Variants in TNFAIP8L3 observed in about 807,000 individuals in gnomAD.
The protein encoded by TNFAIP8L3 is TNF alpha induced protein 8 like 3.
In TNFAIP8L3, 7 loss-of-function variants were observed where a neutral mutation model predicts 11.8. The observed-to-expected ratio is 0.59, with a 90% CI of 0.34 to 1.11. The LOEUF is 1.11. TNFAIP8L3 is among the 50% of genes most tolerant of loss of function. TNFAIP8L3 has a pLI of 0.03. For missense variants in TNFAIP8L3, 219 were observed against 258.6 expected (o/e 0.85, Z 1.05); for synonymous variants, 98 against 103.8 (o/e 0.94, Z 0.34).
chr15:51,090,383 G>T (rs1347630234), intron 1 of TNFAIP8L3, among the ~76,000 whole-genome samples: 1 of 152,108 alleles, frequency 6.6e-6, no homozygotes, highest in Non-Finnish European at 1.5e-5. Context: ...GGCAAATCTT[G>T]CATCTCTCCA....
chr15:51,080,036 A>G (rs552190949), intron 1 of TNFAIP8L3, among the ~76,000 whole-genome samples: 1 of 152,174 alleles, frequency 6.6e-6, no homozygotes, highest in African/African-American at 2.4e-5. Flanking sequence ...TTTAAATTAC[A>G]TGCTTACACT....
intron 1 of TNFAIP8L3, among the ~76,000 whole-genome samples, chr15:51,101,141 G>T (rs2065547647): frequency 6.6e-6 from 1 of 152,188 alleles, no homozygotes; most frequent in Non-Finnish European, 1.5e-5. Context: ...ACCTGCTGTG[G>T]TTCCAGCTTT....
chr15:51,081,816 T>G (rs1457138813), intron 1 of TNFAIP8L3, among the ~76,000 whole-genome samples: 3 of 152,190 alleles, frequency 2.0e-5, no homozygotes, highest in Non-Finnish European at 2.9e-5. Context: ...CTTACCACGC[T>G]TGCTGGTCTT....
chr15:51,072,989 CCTTTTTTTTT>C (rs1352738638), intron 1 of TNFAIP8L3, among the ~76,000 whole-genome samples: 11 of 45,752 alleles, frequency 2.4e-4, no homozygotes, highest in South Asian at 1.2e-3. Context: ...AAACTGGGAT[CCTTTTTTTTT>C]TTTTTTTTTT....
At chr15:51,102,846 C>T (rs2065563959) in intron 1 of TNFAIP8L3, among the ~76,000 whole-genome samples, 1 of 152,176 alleles carries the variant, frequency 6.6e-6, no homozygotes, top group South Asian at 2.1e-4. Flanking sequence ...ATCTCTCTCC[C>T]CATTACTGAT....
chr15:51,099,947 T>G (rs558158915), intron 1 of TNFAIP8L3, among the ~76,000 whole-genome samples: 8 of 152,158 alleles, frequency 5.3e-5, no homozygotes, highest in Non-Finnish European at 8.8e-5. Flanking sequence ...AAATAACCAA[T>G]TGATGAGTTT....
At position 51,094,813 on chromosome 15, in the gene TNFAIP8L3, G is replaced by A; in HGVS notation, c.-218C>T. 3.4e-6 allele frequency: 2 copies of A among 590,334 alleles called. No homozygotes were observed. The highest frequency in any genetic ancestry group is 2.1e-6 in the Non-Finnish European group (1 of 470,972). 36.6% of individuals were successfully genotyped at this position (590,334 alleles called of 1,614,324 possible). ...CGCGCCCGCCGGCCGGTGCCTGCGC[G>A]CGAGGCGAGCGCAGGGCGGAGGGTG... On this transcript the variant is annotated 5_prime_UTR_variant, in exon 1 of 2. Coordinates refer to ENST00000637513, the MANE Select transcript of TNFAIP8L3 (RefSeq NM_001311175.2). The surrounding 1 kb of genome is among the most constrained non-coding windows in gnomAD (Gnocchi z 4.4).
intron 1 of TNFAIP8L3, among the ~76,000 whole-genome samples, chr15:51,075,917 T>G (rs2065345960): frequency 6.6e-6 from 1 of 152,164 alleles, no homozygotes. Context: ...TAGCTGTACT[T>G]GAGAGGTCAG....
chr15:51,057,852 G>A lies in TNFAIP8L3; in HGVS notation c.*29C>T. 6.6e-7 allele frequency: 1 copy of A among 1,524,258 alleles called. No individual in the cohort carries two copies. Among genetic ancestry groups the A allele is most frequent in the South Asian group, 1.3e-5 (1 of 76,406 alleles). The allele number at this position is 1,524,258 out of a possible 1,614,324, so 94.4% of individuals were successfully genotyped here. ...CATGGTTGAGTGCTGTAACTTTAAA[G>A]CAGCAAAGTCCAGTAGGAGGGAAGG... On this transcript the variant is annotated 3_prime_UTR_variant, in exon 2 of 2. Transcript: ENST00000637513.
chr15:51,065,324 T>A (rs1323265986), intron 1 of TNFAIP8L3, among the ~76,000 whole-genome samples: 19 of 152,144 alleles, frequency 1.2e-4, no homozygotes, highest in Admixed American at 1.2e-3. Flanking sequence ...AAAGATAATT[T>A]AAGGGGGGAA....
upstream of TNFAIP8L3, among the ~76,000 whole-genome samples, chr15:51,099,455 GAAGAGA>G (rs1378159173): frequency 6.6e-6 from 1 of 152,144 alleles, no homozygotes. Flanking sequence ...GAGAAAGGGA[GAAGAGA>G]AAGAGAGAGA....
Position 51,094,579 on chromosome 15 carries a change from C to G in TNFAIP8L3, c.17G>C (p.Gly6Ala). The change falls in exon 1 of 2, where the codon GGG becomes GCG. Residue 6 changes from glycine to alanine, a missense_variant. Gly to Ala is a moderately conservative substitution (Grantham distance 60). Coordinates refer to ENST00000637513, the MANE Select transcript of TNFAIP8L3 (RefSeq NM_001311175.2). This position sits in a 1 kb window ranked among gnomAD's most constrained non-coding sequence, Gnocchi z 4.4. MDSDS[G>A]EQSEGEPVTA... Reference sequence around the variant, plus strand: ...CACGGGCTCGCCCTCGCTCTGCTCCCCGGAATCCGAATCCATGCTGCGGGC... The same window carrying G: ...CACGGGCTCGCCCTCGCTCTGCTCCGCGGAATCCGAATCCATGCTGCGGGC... 1 of 1,501,866 alleles carries G rather than the reference C, an allele frequency of 6.7e-7. No individual in the cohort carries two copies. Among genetic ancestry groups the G allele is most frequent in the Non-Finnish European group, 8.8e-7 (1 of 1,130,392 alleles). 93.0% of individuals were successfully genotyped at this position (1,501,866 alleles called of 1,614,324 possible).
At chr15:51,098,539 T>G (rs1274390788), upstream of TNFAIP8L3, among the ~76,000 whole-genome samples, 2 of 152,248 alleles carry the variant, frequency 1.3e-5, no homozygotes, top group African/African-American at 4.8e-5. Flanking sequence ...CAGAACATGG[T>G]GCTAGAAGAC....
chr15:51,078,339 GCTAA>G (rs751726699), intron 1 of TNFAIP8L3, among the ~76,000 whole-genome samples: 1 of 152,020 alleles, frequency 6.6e-6, no homozygotes, highest in Middle Eastern at 3.2e-3. Flanking sequence ...GGGCAGATAT[GCTAA>G]CTACTTGTAA....
At chr15:51,075,840 T>C (rs1445217288) in intron 1 of TNFAIP8L3, among the ~76,000 whole-genome samples, 2 of 152,208 alleles carry the variant, frequency 1.3e-5, no homozygotes, top group African/African-American at 4.8e-5. Context: ...GAAGGTGCTC[T>C]AATTAATTAA....
intron 1 of TNFAIP8L3, among the ~76,000 whole-genome samples, chr15:51,090,771 C>A (rs1027294219): frequency 6.6e-6 from 1 of 152,082 alleles, no homozygotes; most frequent in African/African-American, 2.4e-5. Flanking sequence ...TGTGGTTCCC[C>A]TACCACATTC....
In TNFAIP8L3 at chr15:51,067,025, A is replaced by G. The variant is rs577260596; in HGVS notation, c.53-8582T>C. ...TGGGGCCTTTGAGTTAGAGACAAAC[A>G]AAAAAAAACCTTGATCCTCCCCTCT... On this transcript the variant is annotated intron_variant, in intron 1 of 1. Coordinates refer to ENST00000637513, the MANE Select transcript of TNFAIP8L3 (RefSeq NM_001311175.2). Among the ~76,000 whole-genome samples, 22 of 151,728 alleles carry G rather than the reference A, an allele frequency of 1.4e-4. No individual in the cohort carries two copies. In the East Asian group the frequency reaches 2.1e-3, roughly 15 times the overall value.
At chr15:51,069,901 T>C (rs1225426652) in intron 1 of TNFAIP8L3, among the ~76,000 whole-genome samples, 1 of 152,230 alleles carries the variant, frequency 6.6e-6, no homozygotes, top group African/African-American at 2.4e-5. Flanking sequence ...GGCTCCCTAA[T>C]GACTGAGATT....
intron 1 of TNFAIP8L3, among the ~76,000 whole-genome samples, chr15:51,100,472 A>G (rs750195705): frequency 4.1e-4 from 63 of 152,304 alleles, no homozygotes; most frequent in Non-Finnish European, 6.3e-4. Context: ...ATAGATTACC[A>G]TACTAACACA....
Sources: allele counts gnomAD v4.1 joint callset (sites outside exome capture counted in the v4.1 genomes callset), GRCh38; gene constraint gnomAD v4.1.1; non-coding constraint Gnocchi (gnomAD v3.1); transcripts MANE v1.5; gene names NCBI Gene and HGNC (gene_info 2026-07-23, HGNC 2026-07-21).